DENND1A: variants seen among roughly 807,000 people sequenced by gnomAD.
DENND1A encodes DENN domain containing 1A, also known as DENN domain-containing protein 1A.
In DENND1A, 51 loss-of-function variants were observed where a neutral mutation model predicts 113.7. The ratio of observed to expected loss-of-function variants is 0.45; its 90% confidence interval spans 0.36 to 0.57. The LOEUF is 0.57. DENND1A is among the 20% of genes least tolerant of loss of function. The pLI is 0.00. For missense variants in DENND1A, 1,258 were observed against 1,395.9 expected, an observed-to-expected ratio of 0.90 and a Z score of 1.57; for synonymous variants, 565 against 570.8, an observed-to-expected ratio of 0.99 and a Z score of 0.14.
At chr9:123,547,621 TG>T (rs1226170341) in intron 13 of DENND1A, among the ~76,000 whole-genome samples, 1 of 152,180 alleles carries the variant, frequency 6.6e-6, no homozygotes, top group African/African-American at 2.4e-5. Flanking sequence ...TAATTGCTGG[TG>T]GGCAATAAAA....
intron 12 of DENND1A, among the ~76,000 whole-genome samples, chr9:123,566,914 C>CACACACACAT (rs1554883183): frequency 5.5e-5 from 2 of 36,598 alleles, no homozygotes; most frequent in African/African-American, 9.0e-4. Context: ...TTTAACACAC[C>CACACACACAT]ACACACACAC....
At position 123,919,632 on chromosome 9, in the gene DENND1A, A is replaced by C. The variant is rs553630807; in HGVS notation, c.17+10257T>G. Among the ~76,000 whole-genome samples, 10 of 152,230 alleles carry C rather than the reference A, an allele frequency of 6.6e-5. No individual in the cohort carries two copies. The South Asian group carries it at 1.9e-3, about 28-fold the overall frequency. On this transcript the variant is annotated intron_variant, in intron 1 of 23. Coordinates refer to ENST00000394215, the MANE Select transcript of DENND1A (RefSeq NM_001352964.2). ...AATGGTGGCTCACACCTGTAATCCC[A>C]GCACTTTGGGAGGTGGAGGCAGGCA... is the stretch of plus-strand genomic sequence containing the variant.
At chr9:123,918,404 C>T (rs1031857091) in intron 1 of DENND1A, among the ~76,000 whole-genome samples, 2 of 151,120 alleles carry the variant, frequency 1.3e-5, no homozygotes, top group Non-Finnish European at 2.9e-5. Context: ...AGGAGAATGG[C>T]GTGAACCCGG....
chr9:123,672,797 T>C (rs1008619375), intron 6 of DENND1A, among the ~76,000 whole-genome samples: 9 of 152,200 alleles, frequency 5.9e-5, no homozygotes, highest in African/African-American at 9.7e-5. Flanking sequence ...CAAATACATC[T>C]TTTTTCTTTA....
At chr9:123,804,451 G>T (rs1835208071) in intron 2 of DENND1A, among the ~76,000 whole-genome samples, 1 of 152,152 alleles carries the variant, frequency 6.6e-6, no homozygotes, top group African/African-American at 2.4e-5. Context: ...GCTTCTGCAG[G>T]CTCCTTGCTG....
chr9:123,848,647 A>G (rs956714193), intron 2 of DENND1A, among the ~76,000 whole-genome samples: 5 of 152,218 alleles, frequency 3.3e-5, no homozygotes, highest in African/African-American at 1.2e-4. Flanking sequence ...AAAGCTAAAC[A>G]TAATTAAGCT....
At chr9:123,892,848 C>T (rs540963187) in intron 1 of DENND1A, among the ~76,000 whole-genome samples, 2 of 151,892 alleles carry the variant, frequency 1.3e-5, no homozygotes, top group Non-Finnish European at 1.5e-5. Flanking sequence ...CGGGTGTGGT[C>T]GTGGGCACCT....
Position 123,387,772 on chromosome 9 carries a change from G to A in DENND1A, c.1718C>T (p.Ser573Phe), listed in dbSNP as rs1274760686. 7.8e-7 allele frequency: 1 copy of A among 1,289,960 alleles called. No homozygotes were observed. Among genetic ancestry groups the A allele is most frequent in the Non-Finnish European group, 1.0e-6 (1 of 988,910 alleles). 79.9% of individuals were successfully genotyped at this position (1,289,960 alleles called of 1,614,324 possible). The change falls in exon 22 of 24, where the codon TCT becomes TTT. Residue 573 changes from serine (S) to phenylalanine (F), a missense_variant. Ser to Phe is a radical substitution (Grantham distance 155, BLOSUM62 -2). Transcript: ENST00000394215. ...DECQREEGPS[S>F]GFTESFFFSA... ...GAAGAAAAAGCTCTCGGTGAAGCCA[G>A]AGCTCGGGCCCTCTTCCCGCTGGCA...
At chr9:123,560,308 T>C (rs1462918738) in intron 12 of DENND1A, among the ~76,000 whole-genome samples, 1 of 152,192 alleles carries the variant, frequency 6.6e-6, no homozygotes, top group Non-Finnish European at 1.5e-5. Flanking sequence ...CATTCATAAA[T>C]GTGAACTGTG....
chr9:123,455,225 A>C (rs2048027157), intron 15 of DENND1A, among the ~76,000 whole-genome samples: 1 of 152,172 alleles, frequency 6.6e-6, no homozygotes. Context: ...TTTCCTTCTC[A>C]AACAGAGCTG....
intron 2 of DENND1A, among the ~76,000 whole-genome samples, chr9:123,831,827 A>G (rs1447369657): frequency 1.3e-5 from 2 of 152,182 alleles, no homozygotes; most frequent in African/African-American, 2.4e-5. Flanking sequence ...TACTAAAAGT[A>G]CAAAAATGAG....
At chr9:123,749,536 G>T (rs905440384) in intron 5 of DENND1A, among the ~76,000 whole-genome samples, 4 of 152,132 alleles carry the variant, frequency 2.6e-5, no homozygotes, top group African/African-American at 9.7e-5. Context: ...CTACAATGGA[G>T]ATAATTTCAT....
intron 13 of DENND1A, among the ~76,000 whole-genome samples, chr9:123,543,556 C>T (rs999488227): frequency 6.6e-6 from 1 of 152,194 alleles, no homozygotes; most frequent in Non-Finnish European, 1.5e-5. Flanking sequence ...AAACTGACCA[C>T]TCCTCTGCTT....
intron 13 of DENND1A, among the ~76,000 whole-genome samples, chr9:123,541,221 A>G (rs1415332658): frequency 6.6e-6 from 1 of 152,138 alleles, no homozygotes; most frequent in African/African-American, 2.4e-5. Context: ...AGTAATTTCA[A>G]TTCTCTCTGC....
chr9:123,728,479 C>CAAAAAAAAAAAAAAAAAAAA lies in DENND1A; in HGVS notation c.302+29204_302+29223dup, dbSNP rs60761810. ...GCAACAATTGCAAAACTCTGTCTCC[C>CAAAAAAAAAAAAAAAAAAAA]AAAAAAAAAAAAAAAAAAAAAAAAA... On this transcript the variant is annotated intron_variant, in intron 5 of 23. Transcript: ENST00000394215. 1.5e-3 allele frequency among the ~76,000 whole-genome samples: 38 copies of CAAAAAAAAAAAAAAAAAAAA among 25,198 alleles called. 6 individuals carry two copies. Among genetic ancestry groups the CAAAAAAAAAAAAAAAAAAAA allele is most frequent in the African/African-American group, 1.8e-3 (12 of 6,666 alleles). 16.5% of individuals were successfully genotyped at this position (25,198 alleles called of 152,430 possible). A position where few individuals can be genotyped will look rare whatever the true frequency, so the allele number is the denominator to read the frequency against.
intron 4 of DENND1A, among the ~76,000 whole-genome samples, chr9:123,766,522 C>T (rs1828840445): frequency 6.6e-6 from 1 of 152,150 alleles, no homozygotes; most frequent in Non-Finnish European, 1.5e-5. Context: ...TGACTAGAAT[C>T]GATAAGGAAA....
intron 7 of DENND1A, among the ~76,000 whole-genome samples, chr9:123,668,221 C>T (rs893082979): frequency 1.3e-5 from 2 of 152,046 alleles, no homozygotes; most frequent in African/African-American, 4.8e-5. Flanking sequence ...AAATCTGGAC[C>T]CCCAAGTGAC....
chr9:123,811,713 C>A (rs999564293), intron 2 of DENND1A, among the ~76,000 whole-genome samples: 1 of 152,218 alleles, frequency 6.6e-6, no homozygotes, highest in Admixed American at 6.5e-5. Flanking sequence ...GAGCGGAGAT[C>A]GCACCACTGC....
intron 9 of DENND1A, among the ~76,000 whole-genome samples, chr9:123,632,058 C>T (rs550632824): frequency 2.0e-5 from 3 of 152,162 alleles, no homozygotes; most frequent in South Asian, 2.1e-4. Flanking sequence ...ATTTACGTGG[C>T]GAAAGAGTGA....
Sources: gnomAD v4.1 joint callset for allele counts (sites outside exome capture counted in the v4.1 genomes callset) on GRCh38, gnomAD v4.1.1 for gene constraint, MANE v1.5 for transcripts, NCBI Gene and HGNC (gene_info 2026-07-23, HGNC 2026-07-21) for gene names.